Variants in AKT1 observed in about 807,000 individuals in gnomAD.
AKT1 encodes RAC-alpha serine/threonine-protein kinase.
Under a neutral mutation model 63.1 loss-of-function variants are expected in AKT1, and 21 were observed. The ratio of observed to expected loss-of-function variants is 0.33; its 90% CI spans 0.24 to 0.48. AKT1 has a LOEUF of 0.48. AKT1 is among the 20% of genes least tolerant of loss of function. The pLI is 0.99. For synonymous variants in AKT1, 257 were observed against 253.1 expected, an observed-to-expected ratio of 1.02 and a Z score of -0.15; for missense variants, 382 against 666.0, an observed-to-expected ratio of 0.57 and a Z score of 4.69.
At chr14:104,772,215 T>C in intron 13 of AKT1, 150 bp downstream of exon 13, 2 of 843,332 alleles carry the variant, frequency 2.4e-6, no homozygotes, top group East Asian at 2.5e-5. Context: ...CTGAGGTTGG[T>C]GCAGCAAGGC....
intron 3 of AKT1, among the ~76,000 whole-genome samples, chr14:104,787,616 C>T (rs61759780): frequency 0.032 from 4,843 of 152,334 alleles, 288 homozygotes; most frequent in African/African-American, 0.11. Context: ...CCTGATGCAA[C>T]CCGGCCAGGC....
intron 8 of AKT1, chr14:104,774,191 CAT>C: frequency 3.7e-6 from 2 of 547,458 alleles, no homozygotes; most frequent in South Asian, 2.0e-5. Flanking sequence ...TGCCCCACAC[CAT>C]ACACCCCCAC....
At chr14:104,784,155 G>C (rs1222459675) in intron 3 of AKT1, among the ~76,000 whole-genome samples, 3 of 152,212 alleles carry the variant, frequency 2.0e-5, no homozygotes, top group African/African-American at 7.2e-5. Context: ...AGCAGCTCCG[G>C]TCCCACCCTT....
rs1892247846 is a variant in AKT1, at chr14:104,769,416, A to G, written c.*925T>C. 2.8e-6 allele frequency: 1 copy of G among 352,632 alleles called. No homozygotes were observed. The highest frequency in any genetic ancestry group is 5.4e-6 in the Non-Finnish European group (1 of 185,100). The allele number at this position is 352,632 out of a possible 1,614,324, so 21.8% of individuals were successfully genotyped here. A position where few individuals can be genotyped will look rare whatever the true frequency, so the allele number is the denominator to read the frequency against. Reference sequence around the variant, plus strand: ...CATATTATATTATAATAGTAAAAATACTAAAGTTGAATGTTGTAAAAAAAC... The same window carrying G: ...CATATTATATTATAATAGTAAAAATGCTAAAGTTGAATGTTGTAAAAAAAC... On this transcript the variant is annotated 3_prime_UTR_variant, in exon 15 of 15. Coordinates refer to ENST00000649815, the MANE Select transcript of AKT1 (RefSeq NM_001382430.1).
At chr14:104,772,481 C>T (rs758386331) in intron 12 of AKT1, 29 bp from the exon 13 acceptor site, 8 of 1,610,110 alleles carry the variant, frequency 5.0e-6, no homozygotes, top group South Asian at 3.3e-5. Flanking sequence ...GCCACAGTGT[C>T]GGTACCGCCA....
At chr14:104,780,670 G>C (rs1237559914) in intron 3 of AKT1, among the ~76,000 whole-genome samples, 1 of 152,198 alleles carries the variant, frequency 6.6e-6, no homozygotes, top group Non-Finnish European at 1.5e-5. Flanking sequence ...GCCAGGTGGC[G>C]ACAGCAGGTG....
intron 12 of AKT1, 101 bp downstream of exon 12, chr14:104,772,777 T>G: frequency 2.4e-6 from 3 of 1,249,628 alleles, no homozygotes; most frequent in Non-Finnish European, 3.3e-6. Flanking sequence ...TGGCTATCAG[T>G]GTAGTCTGGG....
intron 4 of AKT1, 125 bp from the exon 5 acceptor site, chr14:104,776,895 C>G: frequency 1.4e-6 from 1 of 698,930 alleles, no homozygotes; most frequent in Non-Finnish European, 2.4e-6. Flanking sequence ...GAAGCCCCAT[C>G]TCTTCCTCTC....
intron 4 of AKT1, chr14:104,777,267 AGG>A (rs1566819302): frequency 7.2e-4 from 151 of 208,562 alleles, no homozygotes; most frequent in Middle Eastern, 1.9e-3. Context: ...CCTGGGGCAC[AGG>A]CACACCTGGG....
intron 3 of AKT1, among the ~76,000 whole-genome samples, chr14:104,785,312 A>T (rs1893278097): frequency 6.6e-6 from 1 of 152,118 alleles, no homozygotes; most frequent in Non-Finnish European, 1.5e-5. Context: ...GCAGCCCTCG[A>T]ACCCTGTAAA....
In AKT1 at chr14:104,770,582, C is replaced by T; in HGVS notation, c.1364-162G>A. 2.2e-6 allele frequency: 2 copies of T among 908,164 alleles called. 1 individual carries two copies. The highest frequency in any genetic ancestry group is 5.1e-5 in the Admixed American group (2 of 39,096). 56.3% of individuals were successfully genotyped at this position (908,164 alleles called of 1,614,324 possible). A position where few individuals can be genotyped will look rare whatever the true frequency, so the allele number is the denominator to read the frequency against. ...CACAGATTGACACAGGGACCTGGGC[C>T]CTCAGAGCACTGCCTCCCACCCTGA... On this transcript the variant is annotated intron_variant, in intron 14 of 14. Coordinates refer to ENST00000649815, the MANE Select transcript of AKT1 (RefSeq NM_001382430.1).
At chr14:104,785,654 C>T (rs990416788) in intron 3 of AKT1, among the ~76,000 whole-genome samples, 1 of 152,202 alleles carries the variant, frequency 6.6e-6, no homozygotes, top group Non-Finnish European at 1.5e-5. Flanking sequence ...CCCTCAGAGG[C>T]AGATCATGAC....
intron 4 of AKT1, chr14:104,777,415 C>G: frequency 2.0e-6 from 1 of 495,018 alleles, no homozygotes; most frequent in Non-Finnish European, 2.7e-6. Flanking sequence ...ACCTGGGGCA[C>G]ACGCACACCT....
rs1893846036 is a variant in AKT1, at chr14:104,795,478, ACTCAC to A, written c.-258+1_-258+5del. Reference sequence around the variant, plus strand: ...GCCCGGGCGGCCACGGCGGGCGGGGACTCACCGGGCCGCCGCGTCCGGGCGCGAGC... The same window carrying A: ...GCCCGGGCGGCCACGGCGGGCGGGGACGGGCCGCCGCGTCCGGGCGCGAGC... On this transcript the variant is annotated splice_donor_variant and splice_donor_5th_base_variant and intron_variant, in intron 1 of 14. Coordinates refer to ENST00000649815, the MANE Select transcript of AKT1 (RefSeq NM_001382430.1). LOFTEE classifies it low-confidence loss of function (5UTR_SPLICE). The surrounding 1 kb of genome is among the most constrained non-coding windows in gnomAD (Gnocchi z 5.1). 7.0e-6 allele frequency: 1 copy of A among 142,782 alleles called. No individual in the cohort carries two copies. The highest frequency in any genetic ancestry group is 1.5e-5 in the Non-Finnish European group (1 of 64,900). 8.8% of individuals were successfully genotyped at this position (142,782 alleles called of 1,614,324 possible).
Position 104,770,201 on chromosome 14 carries a change from C to T in AKT1, c.*140G>A, listed in dbSNP as rs1400472051. 6 of 912,224 alleles carry T rather than the reference C, an allele frequency of 6.6e-6. No individual in the cohort carries two copies. Among genetic ancestry groups the T allele is most frequent in the South Asian group, 2.9e-5 (2 of 69,072 alleles). 56.5% of individuals were successfully genotyped at this position (912,224 alleles called of 1,614,324 possible). A position where few individuals can be genotyped will look rare whatever the true frequency, so the allele number is the denominator to read the frequency against. On this transcript the variant is annotated 3_prime_UTR_variant, in exon 15 of 15. Transcript: ENST00000649815. The stretch of plus-strand genomic sequence containing the variant: ...GAGGGTGCTGCCCACAGCACAAAAA[C>T]GTCTTTCCATCTGGGCTCGAGAGGA...
chr14:104,782,417 G>A (rs537007703), intron 3 of AKT1, among the ~76,000 whole-genome samples: 266 of 152,248 alleles, frequency 1.7e-3, no homozygotes, highest in African/African-American at 5.9e-3. Context: ...CCCCGAGCAC[G>A]CAGCTCCCGT....
intron 13 of AKT1, 104 bp downstream of exon 13, chr14:104,772,260 GT>G: frequency 2.6e-6 from 3 of 1,166,020 alleles, no homozygotes; most frequent in Non-Finnish European, 2.4e-6. Context: ...GGCTCCTGAG[GT>G]GAGGGCGAGT....
chr14:104,776,181 T>C (rs1892705995), intron 5 of AKT1: 2 of 226,596 alleles, frequency 8.8e-6, no homozygotes, highest in Admixed American at 5.4e-5. Context: ...GGAGTCTTGC[T>C]CTATCGCCCT....
chr14:104,772,026 C>T (rs1392197902), intron 13 of AKT1: 2 of 459,358 alleles, frequency 4.4e-6, no homozygotes, highest in Non-Finnish European at 7.9e-6. Flanking sequence ...CACCACCAGC[C>T]AGCCTTCACT....
Sources: allele counts gnomAD v4.1 joint callset (sites outside exome capture counted in the v4.1 genomes callset), GRCh38; gene constraint gnomAD v4.1.1; non-coding constraint Gnocchi (gnomAD v3.1); transcripts MANE v1.5; gene names NCBI Gene and HGNC (gene_info 2026-07-23, HGNC 2026-07-21).